ZNF385D: variants seen among roughly 807,000 people sequenced by gnomAD.
ZNF385D encodes the protein zinc finger protein 385D, also known as zinc finger protein 659.
ZNF385D carries 15 observed loss-of-function variants against 35.8 expected under a neutral mutation model. That is an observed-to-expected ratio of 0.42 (90% CI 0.28 to 0.64). ZNF385D has a LOEUF of 0.64. Among genes scored for constraint, ZNF385D ranks in the 30% least tolerant of loss-of-function variants. ZNF385D has a pLI of 0.23. For synonymous variants in ZNF385D, 212 were observed against 186.8 expected (o/e 1.13, Z -1.10); for missense variants, 474 against 494.6 (o/e 0.96, Z 0.39).
chr3:21,452,015 GCTAAGA>G (rs1398884347), intron 4 of ZNF385D, among the ~76,000 whole-genome samples: 1 of 152,060 alleles, frequency 6.6e-6, no homozygotes, highest in South Asian at 2.1e-4. Context: ...CACAAATATT[GCTAAGA>G]CTATGTGTAT....
chr3:22,370,687 C>T (rs907570257), intron 2 of ZNF385D, among the ~76,000 whole-genome samples: 4 of 152,132 alleles, frequency 2.6e-5, no homozygotes, highest in African/African-American at 9.7e-5. Context: ...GGGACTTTTC[C>T]CAATTTAACA....
intron 3 of ZNF385D, among the ~76,000 whole-genome samples, chr3:21,860,225 T>A (rs1696974317): frequency 6.6e-6 from 1 of 152,076 alleles, no homozygotes; most frequent in South Asian, 2.1e-4. Context: ...ATATTAATGT[T>A]TTCAGTTTTG....
At chr3:21,847,593 T>G (rs899791928) in intron 3 of ZNF385D, among the ~76,000 whole-genome samples, 2 of 152,028 alleles carry the variant, frequency 1.3e-5, no homozygotes, top group African/African-American at 4.8e-5. Context: ...AATGTAACAA[T>G]ATTTTTGCAG....
Position 21,430,530 on chromosome 3 carries a change from C to T in ZNF385D, c.674-4860G>A, listed in dbSNP as rs995869605. Among the ~76,000 whole-genome samples the T allele has an allele frequency of 4.6e-5, 7 of 152,184 alleles. No individual in the cohort carries two copies. The Middle Eastern group carries it at 0.01, about 222-fold the overall frequency. ...GGGACCCAATGGGCAGAACACATGG[C>T]TTATCTGATAGTGGAGACAAATGTG... On this transcript the variant is annotated intron_variant, in intron 5 of 7. Coordinates refer to ENST00000281523, the MANE Select transcript of ZNF385D (RefSeq NM_024697.3).
intron 3 of ZNF385D, among the ~76,000 whole-genome samples, chr3:21,869,326 T>C (rs1697559720): frequency 6.6e-6 from 1 of 152,110 alleles, no homozygotes; most frequent in Non-Finnish European, 1.5e-5. Context: ...CCAATAGAGT[T>C]ATCAAAATAA....
chr3:21,448,110 G>A (rs1185458028), intron 4 of ZNF385D, among the ~76,000 whole-genome samples: 4 of 152,026 alleles, frequency 2.6e-5, no homozygotes, highest in Non-Finnish European at 5.9e-5. Context: ...TGATGTAACC[G>A]ATATGCACTT....
intron 3 of ZNF385D, among the ~76,000 whole-genome samples, chr3:22,151,176 G>C (rs145447060): frequency 6.6e-6 from 1 of 152,088 alleles, no homozygotes; most frequent in Non-Finnish European, 1.5e-5. Context: ...AGTTTCATGG[G>C]GCAGGGGCAC....
At chr3:21,812,103 T>C (rs974110640) in intron 3 of ZNF385D, among the ~76,000 whole-genome samples, 2 of 152,172 alleles carry the variant, frequency 1.3e-5, no homozygotes, top group Non-Finnish European at 2.9e-5. Flanking sequence ...ACCAAAAAGA[T>C]ATAATTGGTC....
intron 2 of ZNF385D, among the ~76,000 whole-genome samples, chr3:21,592,245 T>C (rs996952354): frequency 6.6e-6 from 1 of 152,298 alleles, no homozygotes; most frequent in African/African-American, 2.4e-5. Context: ...ACATTCTTGC[T>C]GCTTTTCTGT....
At position 21,465,426 on chromosome 3, in the gene ZNF385D, C is replaced by T. The variant is rs1703450687; in HGVS notation, c.440-28223G>A. 6.6e-6 allele frequency among the ~76,000 whole-genome samples: 1 copy of T among 152,168 alleles called. No individual in the cohort carries two copies. Among genetic ancestry groups the T allele is most frequent in the South Asian group, 2.1e-4 (1 of 4,832 alleles). On this transcript the variant is annotated intron_variant, in intron 4 of 7. Coordinates refer to ENST00000281523, the MANE Select transcript of ZNF385D (RefSeq NM_024697.3). The surrounding 1 kb of genome is among the most constrained non-coding windows in gnomAD (Gnocchi z 4.2). ...GATCAGTTGGAAGAGAAAGTTTCTT[C>T]TGCTCTTCCCAAGAGGGCCACAGCC... is the stretch of plus-strand genomic sequence containing the variant.
At chr3:21,587,442 C>T (rs1230950096) in intron 2 of ZNF385D, among the ~76,000 whole-genome samples, 1 of 152,066 alleles carries the variant, frequency 6.6e-6, no homozygotes, top group East Asian at 1.9e-4. Flanking sequence ...AAATAAGGCC[C>T]CAGGCTCATT....
rs140411979 is a variant in ZNF385D at position 21,764,929 on chromosome 3, T to C, written c.326-99901A>G. On this transcript the variant is annotated intron_variant, in intron 3 of 5. Coordinates refer to the ZNF385D transcript ENST00000494108. ...TCCTGCCTACAACTTTCCTGAATAA[T>C]TTCTGTCACATTATGGATGCCCTTG... is the stretch of plus-strand genomic sequence containing the variant. Among the ~76,000 whole-genome samples the C allele has an allele frequency of 3.5e-3, 528 of 152,282 alleles. 3 individuals are homozygous for C. The highest frequency in any genetic ancestry group is 0.024 in the Middle Eastern group (7 of 294).
intron 3 of ZNF385D, among the ~76,000 whole-genome samples, chr3:21,923,017 C>G (rs899060466): frequency 4.1e-5 from 6 of 147,324 alleles, no homozygotes; most frequent in African/African-American, 1.5e-4. Context: ...AAGTGGCCAA[C>G]AAACATGAAA....
chr3:21,760,512 G>A (rs555109890), intron 3 of ZNF385D, among the ~76,000 whole-genome samples: 1 of 152,138 alleles, frequency 6.6e-6, no homozygotes, highest in South Asian at 2.1e-4. Context: ...CTTATATGAA[G>A]GTAACCCTCA....
At chr3:22,328,484 G>T (rs1044023343) in intron 2 of ZNF385D, among the ~76,000 whole-genome samples, 3 of 152,048 alleles carry the variant, frequency 2.0e-5, no homozygotes, top group Non-Finnish European at 4.4e-5. Flanking sequence ...AAAAAAACTG[G>T]CTGGGTGTGG....
At chr3:21,676,698 T>A (rs967869371) in intron 1 of ZNF385D, among the ~76,000 whole-genome samples, 2 of 152,080 alleles carry the variant, frequency 1.3e-5, no homozygotes, top group African/African-American at 4.8e-5. Flanking sequence ...AAAGGAGGTT[T>A]AGCAAGATCA....
At chr3:22,114,519 C>T (rs1181304625) in intron 3 of ZNF385D, among the ~76,000 whole-genome samples, 8 of 151,892 alleles carry the variant, frequency 5.3e-5, no homozygotes, top group Admixed American at 5.3e-4. Flanking sequence ...TCTCAGGAAG[C>T]ATTAGGTATT....
intron 3 of ZNF385D, among the ~76,000 whole-genome samples, chr3:21,909,267 G>A (rs560691633): frequency 1.3e-5 from 2 of 152,142 alleles, no homozygotes; most frequent in South Asian, 4.1e-4. Flanking sequence ...CTCTGTCACT[G>A]CACAAAATAC....
At chr3:21,450,732 G>GA (rs1223556211) in intron 4 of ZNF385D, among the ~76,000 whole-genome samples, 1 of 152,036 alleles carries the variant, frequency 6.6e-6, no homozygotes, top group Admixed American at 6.6e-5. Context: ...CTTAGACATT[G>GA]AAAAAAATGT....
Sources: allele counts gnomAD v4.1 joint callset (sites outside exome capture counted in the v4.1 genomes callset), GRCh38; gene constraint gnomAD v4.1.1; non-coding constraint Gnocchi (gnomAD v3.1); transcripts MANE v1.5; gene names NCBI Gene and HGNC (gene_info 2026-07-23, HGNC 2026-07-21).